Variants in CHIA observed in about 807,000 individuals in gnomAD.
The protein encoded by CHIA is acidic mammalian chitinase.
CHIA carries 47 observed loss-of-function variants against 53.5 expected under a neutral mutation model. The observed-to-expected ratio is 0.88, with a 90% CI of 0.70 to 1.12. The LOEUF is 1.12. CHIA is among the 50% of genes most tolerant of loss of function. CHIA has a pLI of 0.00. For synonymous variants in CHIA, 268 were observed against 222.2 expected (o/e 1.21, Z -1.83); for missense variants, 652 against 592.2 (o/e 1.10, Z -1.05).
At chr1:111,300,747 A>G (rs1213388231) in intron 1 of CHIA, among the ~76,000 whole-genome samples, 1 of 152,204 alleles carries the variant, frequency 6.6e-6, no homozygotes, top group African/African-American at 2.4e-5. Context: ...TAATTAAACT[A>G]AAGAGCTTCT....
chr1:111,291,528 G>A (rs4839116), intron 1 of CHIA, among the ~76,000 whole-genome samples: 1,875 of 150,864 alleles, frequency 0.012, 37 homozygotes, highest in African/African-American at 0.043. Context: ...GGGGGCAAGG[G>A]GGGGAGAGCA....
Position 111,318,554 on chromosome 1 carries a change from T to C in CHIA, c.791T>C (p.Phe264Ser). ...GAPAEKLIVG[F>S]PTYGHNFILS... Reference sequence around the variant, plus strand: ...CCAGCTGAGAAGCTCATCGTTGGATTCCCTACCTATGGACACAACTTCATC... The same window carrying C: ...CCAGCTGAGAAGCTCATCGTTGGATCCCCTACCTATGGACACAACTTCATC... The change falls in exon 9 of 12, where the codon TTC becomes TCC. Residue 264 changes from phenylalanine to serine, a missense_variant. Coordinates refer to ENST00000369740, the MANE Select transcript of CHIA (RefSeq NM_201653.4). 6.2e-7 allele frequency: 1 copy of C among 1,614,186 alleles called. No homozygotes were observed. The highest frequency in any genetic ancestry group is 1.1e-5 in the South Asian group (1 of 91,074).
intron 1 of CHIA, among the ~76,000 whole-genome samples, chr1:111,298,628 G>A (rs1211810294): frequency 1.3e-5 from 2 of 152,150 alleles, no homozygotes; most frequent in African/African-American, 4.8e-5. Context: ...GCCCACAAGA[G>A]AAAGCAGGAA....
chr1:111,297,739 G>A (rs1048096335), intron 1 of CHIA, among the ~76,000 whole-genome samples: 24 of 151,962 alleles, frequency 1.6e-4, no homozygotes, highest in African/African-American at 5.8e-4. Context: ...AACATTAAAT[G>A]TAAATGGGCT....
At chr1:111,296,893 A>G (rs35779360) in intron 1 of CHIA, among the ~76,000 whole-genome samples, 42,350 of 152,146 alleles carry the variant, frequency 0.28, 6,185 homozygotes, top group East Asian at 0.36. Flanking sequence ...AACTGACAGA[A>G]CGGAAAACCA....
intron 1 of CHIA, among the ~76,000 whole-genome samples, chr1:111,310,168 A>T (rs1175018262): frequency 6.6e-6 from 1 of 152,258 alleles, no homozygotes; most frequent in Non-Finnish European, 1.5e-5. Flanking sequence ...GTTGCTTATC[A>T]GCCCTTGGAA....
chr1:111,294,024 G>A (rs553022455), intron 1 of CHIA, among the ~76,000 whole-genome samples: 2 of 152,218 alleles, frequency 1.3e-5, no homozygotes, highest in East Asian at 1.9e-4. Flanking sequence ...CAAGGATGCA[G>A]TGAGCTATGA....
intron 1 of CHIA, among the ~76,000 whole-genome samples, chr1:111,307,896 C>T (rs1202472304): frequency 2.0e-5 from 3 of 152,134 alleles, no homozygotes; most frequent in African/African-American, 7.2e-5. Flanking sequence ...CCCGCCTTGG[C>T]CTCCCAAAGT....
At chr1:111,311,788 GC>G in intron 3 of CHIA, 70 bp downstream of exon 3, 1 of 1,515,790 alleles carries the variant, frequency 6.6e-7, no homozygotes, top group Admixed American at 1.7e-5. Flanking sequence ...TGGAAAGAGA[GC>G]CGCTGTTTGC....
At chr1:111,295,376 T>C (rs1661275545) in intron 1 of CHIA, among the ~76,000 whole-genome samples, 1 of 152,216 alleles carries the variant, frequency 6.6e-6, no homozygotes, top group Non-Finnish European at 1.5e-5. Context: ...TAAATCTCCT[T>C]AGTGGTTATA....
chr1:111,293,905 C>T (rs1661182266), intron 1 of CHIA, among the ~76,000 whole-genome samples: 1 of 152,050 alleles, frequency 6.6e-6, no homozygotes, highest in African/African-American at 2.4e-5. Flanking sequence ...CATGGCAAAA[C>T]CCTGTTCCTA....
At chr1:111,291,803 A>T (rs907557596) in intron 1 of CHIA, among the ~76,000 whole-genome samples, 1 of 107,562 alleles carries the variant, frequency 9.3e-6, no homozygotes, top group African/African-American at 3.6e-5. Flanking sequence ...AGACACAGGG[A>T]GGGGAGCAAC....
chr1:111,298,120 C>T (rs1647356397), intron 1 of CHIA, among the ~76,000 whole-genome samples: 1 of 152,110 alleles, frequency 6.6e-6, no homozygotes, highest in African/African-American at 2.4e-5. Flanking sequence ...TACAAGGAGA[C>T]TTAGACTCCC....
At chr1:111,315,782 A>G in intron 6 of CHIA, 2 of 461,136 alleles carry the variant, frequency 4.3e-6, no homozygotes, top group South Asian at 1.5e-5. Flanking sequence ...GCCCAAGATC[A>G]CACAACTAGT....
intron 1 of CHIA, among the ~76,000 whole-genome samples, chr1:111,299,942 C>A (rs145806511): frequency 0.035 from 5,295 of 151,982 alleles, 122 homozygotes; most frequent in Middle Eastern, 0.065. Context: ...CAATAACAGA[C>A]AAACAGAGAG....
At chr1:111,317,262 G>A in intron 6 of CHIA, 1 of 178,384 alleles carries the variant, frequency 5.6e-6, no homozygotes, top group Non-Finnish European at 1.2e-5. Flanking sequence ...TTCCTTATTG[G>A]CCAATACACC....
chr1:111,294,246 G>T (rs4546921), intron 1 of CHIA, among the ~76,000 whole-genome samples: 42,283 of 151,920 alleles, frequency 0.28, 6,153 homozygotes, highest in East Asian at 0.35. Context: ...TTGAACAGCA[G>T]GCTATAGTTT....
chr1:111,302,152 T>G (rs975097381), intron 1 of CHIA, among the ~76,000 whole-genome samples: 1 of 152,210 alleles, frequency 6.6e-6, no homozygotes, highest in Non-Finnish European at 1.5e-5. Context: ...CTCTCTTTTT[T>G]CTTAGTTTAT....
At chr1:111,304,603 T>C (rs933250391) in intron 1 of CHIA, among the ~76,000 whole-genome samples, 1 of 152,208 alleles carries the variant, frequency 6.6e-6, no homozygotes, top group African/African-American at 2.4e-5. Context: ...TCCAAATTTT[T>C]AAAAATCTTA....
Sources: gnomAD v4.1 joint callset for allele counts (sites outside exome capture counted in the v4.1 genomes callset) on GRCh38, gnomAD v4.1.1 for gene constraint, MANE v1.5 for transcripts, NCBI Gene and HGNC (gene_info 2026-07-23, HGNC 2026-07-21) for gene names.